The following SLC2A14 variants were observed in gnomAD, a reference collection of about 807,000 sequenced individuals.
The protein encoded by SLC2A14 is solute carrier family 2 member 14.
A neutral mutation model predicts 43.0 loss-of-function variants in SLC2A14; 13 were observed. The ratio of observed to expected loss-of-function variants is 0.30; its 90% CI spans 0.20 to 0.48. The LOEUF is 0.48. Ranked by LOEUF, SLC2A14 falls within the 20% of genes least tolerant of loss-of-function variation. SLC2A14 has a pLI of 0.99. For synonymous variants in SLC2A14, 190 were observed against 233.8 expected, an observed-to-expected ratio of 0.81 and a Z score of 1.71; for missense variants, 428 against 620.4, an observed-to-expected ratio of 0.69 and a Z score of 3.29.
intron 1 of SLC2A14, among the ~76,000 whole-genome samples, chr12:7,887,478 A>G (rs1945705525): frequency 6.6e-6 from 1 of 152,112 alleles, no homozygotes; most frequent in South Asian, 2.1e-4. Flanking sequence ...GTTGCAGACA[A>G]GACAATAAAT....
chr12:7,817,697 G>GTC, intron 10 of SLC2A14, 134 bp downstream of exon 10: 1 of 1,085,256 alleles, frequency 9.2e-7, no homozygotes, highest in Non-Finnish European at 1.3e-6. Context: ...TCAGTGAGCT[G>GTC]AGATCGGGCA....
chr12:7,823,011 T>C (rs562420314), intron 7 of SLC2A14, among the ~76,000 whole-genome samples: 3 of 152,300 alleles, frequency 2.0e-5, no homozygotes, highest in South Asian at 4.1e-4. Context: ...TTTTATGAAA[T>C]AATACCAGCT....
At chr12:7,868,006 A>C (rs148104849) in intron 2 of SLC2A14, among the ~76,000 whole-genome samples, 11 of 152,288 alleles carry the variant, frequency 7.2e-5, no homozygotes, top group African/African-American at 2.6e-4. Flanking sequence ...ATTATGAAAG[A>C]AGTTCTACTT....
intron 2 of SLC2A14, chr12:7,839,861 T>A (rs1318572621): frequency 2.3e-6 from 1 of 437,808 alleles, no homozygotes; most frequent in East Asian, 7.2e-5. Context: ...ATCGCTTGAG[T>A]CCAGGAGTTC....
chr12:7,855,864 T>C (rs892644525), intron 2 of SLC2A14, among the ~76,000 whole-genome samples: 12 of 151,400 alleles, frequency 7.9e-5, no homozygotes, highest in Non-Finnish European at 1.5e-4. Flanking sequence ...CTTGATCTCC[T>C]GACCTCGTGA....
chr12:7,818,214 T>C (rs1417852653), intron 9 of SLC2A14, among the ~76,000 whole-genome samples, 180 bp from the exon 10 acceptor site: 1 of 111,392 alleles, frequency 9.0e-6, no homozygotes, highest in Non-Finnish European at 2.3e-5. Flanking sequence ...GACGGGGTCT[T>C]ACTCTGTTGC....
intron 1 of SLC2A14, among the ~76,000 whole-genome samples, chr12:7,886,019 CTG>C (rs1351350836): frequency 2.7e-5 from 4 of 150,522 alleles, no homozygotes; most frequent in Admixed American, 2.0e-4. Flanking sequence ...GAGTCTCACT[CTG>C]TCGCTCAGGC....
chr12:7,822,046 G>C (rs1215551320), intron 7 of SLC2A14, among the ~76,000 whole-genome samples: 2 of 151,564 alleles, frequency 1.3e-5, no homozygotes, highest in African/African-American at 2.4e-5. Context: ...GGATGTTCTT[G>C]ATCTCCTGAC....
At chr12:7,875,027 AT>A (rs1280701954), upstream of SLC2A14, among the ~76,000 whole-genome samples, 1 of 111,250 alleles carries the variant, frequency 9.0e-6, no homozygotes, top group African/African-American at 3.7e-5. Flanking sequence ...TTATATATAA[AT>A]ACATATATAA....
chr12:7,840,720 A>C (rs2889545), intron 2 of SLC2A14, among the ~76,000 whole-genome samples: 28,439 of 152,138 alleles, frequency 0.19, 2,995 homozygotes, highest in East Asian at 0.41. Flanking sequence ...GAACAAACTT[A>C]GACAGAGGGT....
chr12:7,862,386 C>T (rs1030140064), intron 2 of SLC2A14, among the ~76,000 whole-genome samples: 27 of 152,036 alleles, frequency 1.8e-4, no homozygotes, highest in Non-Finnish European at 2.8e-4. Flanking sequence ...ACCGGCGCTG[C>T]GCTCGATTTC....
At chr12:7,818,234 A>G (rs1863645925) in intron 9 of SLC2A14, among the ~76,000 whole-genome samples, 200 bp from the exon 10 acceptor site, 1 of 152,158 alleles carries the variant, frequency 6.6e-6, no homozygotes, top group Non-Finnish European at 1.5e-5. Context: ...CCCAGGCTAG[A>G]GTGCAGTGGT....
chr12:7,882,082 C>G lies in SLC2A14; in HGVS notation c.132+8914G>C, dbSNP rs193178521. ...GGTAACATGTTGGCCTCCCTTTCTA[C>G]ACTTGGAGGCTTTGTTCTTTTTTTC... On this transcript the variant is annotated intron_variant, in intron 1 of 9. Transcript: ENST00000539924. Among the ~76,000 whole-genome samples the G allele has an allele frequency of 5.9e-5, 9 of 152,226 alleles. No homozygotes were observed. In the East Asian group the frequency reaches 9.7e-4, roughly 16 times the overall value.
At chr12:7,844,302 ATGTGGTGG>A (rs1275842661) in intron 2 of SLC2A14, among the ~76,000 whole-genome samples, 2 of 152,096 alleles carry the variant, frequency 1.3e-5, no homozygotes, top group African/African-American at 4.8e-5. Context: ...TACGAGTACT[ATGTGGTGG>A]TGTTGGTAGT....
chr12:7,880,443 C>T (rs1194003009), intron 1 of SLC2A14, among the ~76,000 whole-genome samples: 1 of 150,144 alleles, frequency 6.7e-6, no homozygotes, highest in South Asian at 2.1e-4. Context: ...CCACTGCACT[C>T]CAGCTTAGGC....
intron 7 of SLC2A14, among the ~76,000 whole-genome samples, chr12:7,826,879 TTC>T (rs1226387465): frequency 0.038 from 2,295 of 60,910 alleles, 252 homozygotes; most frequent in Middle Eastern, 0.055. Context: ...CTTTCTTTCT[TTC>T]TTTCTTTCTT....
intron 6 of SLC2A14, among the ~76,000 whole-genome samples, chr12:7,827,907 G>A (rs970689055): frequency 6.6e-6 from 1 of 152,066 alleles, no homozygotes; most frequent in Non-Finnish European, 1.5e-5. Context: ...TTGTGAGGCC[G>A]AGGCTTGTGG....
chr12:7,834,532 T>C (rs867166012), intron 2 of SLC2A14, among the ~76,000 whole-genome samples: 2,555 of 16,072 alleles, frequency 0.16, 71 homozygotes, highest in African/African-American at 0.32. Flanking sequence ...CTCTCTCTCT[T>C]TTTTTTTTTT....
chr12:7,861,210 A>G (rs1944538286), intron 2 of SLC2A14, among the ~76,000 whole-genome samples: 1 of 152,152 alleles, frequency 6.6e-6, no homozygotes, highest in African/African-American at 2.4e-5. Context: ...AAGGCACCAG[A>G]GCAACATTGG....
Sources: gnomAD v4.1 joint callset for allele counts (sites outside exome capture counted in the v4.1 genomes callset) on GRCh38, gnomAD v4.1.1 for gene constraint, MANE v1.5 for transcripts, NCBI Gene and HGNC (gene_info 2026-07-23, HGNC 2026-07-21) for gene names.